The following TSPAN11 variants were observed in gnomAD, a reference collection of about 807,000 sequenced individuals.
The protein encoded by TSPAN11 is tetraspanin 11.
Under a neutral mutation model 32.9 loss-of-function variants are expected in TSPAN11, and 29 were observed. The observed-to-expected ratio is 0.88, with a 90% confidence interval of 0.66 to 1.20. The LOEUF is 1.20. Ranked by LOEUF, TSPAN11 falls within the 50% of genes most tolerant of loss-of-function variation. The probability of loss-of-function intolerance (pLI) is 0.00; values close to 1 mark genes in which losing one functional copy is unlikely to be tolerated. For missense variants in TSPAN11, 283 were observed against 329.1 expected, an observed-to-expected ratio of 0.86 and a Z score of 1.08; for synonymous variants, 140 against 141.3, an observed-to-expected ratio of 0.99 and a Z score of 0.07.
chr12:30,930,929 C>T (rs11611739), intron 1 of TSPAN11, among the ~76,000 whole-genome samples: 17,669 of 152,236 alleles, frequency 0.12, 1,053 homozygotes, highest in East Asian at 0.15. Context: ...TCTCTCACTG[C>T]CCTGCACACA....
intron 2 of TSPAN11, 100 bp from the exon 3 acceptor site, chr12:30,963,726 G>A (rs1938661651): frequency 1.5e-6 from 2 of 1,301,230 alleles, no homozygotes; most frequent in Admixed American, 2.2e-5. Context: ...GACTGAATGA[G>A]CCAGTGCAAG....
intron 3 of TSPAN11, among the ~76,000 whole-genome samples, chr12:30,976,401 A>G (rs1322006037): frequency 6.6e-6 from 1 of 152,148 alleles, no homozygotes; most frequent in Non-Finnish European, 1.5e-5. Flanking sequence ...GCAGCCATCC[A>G]GCTAGAGCCA....
intron 1 of TSPAN11, among the ~76,000 whole-genome samples, chr12:30,934,618 T>C (rs1005241782): frequency 9.3e-5 from 14 of 151,186 alleles, no homozygotes; most frequent in Non-Finnish European, 1.9e-4. Context: ...TTCGGAAACT[T>C]AAAATATTAT....
intron 3 of TSPAN11, among the ~76,000 whole-genome samples, chr12:30,970,180 G>A (rs886497457): frequency 5.9e-5 from 9 of 152,182 alleles, no homozygotes; most frequent in African/African-American, 1.7e-4. Flanking sequence ...GCCAGAATCC[G>A]CTGAACACCA....
chr12:30,929,980 G>A (rs1249270864), intron 1 of TSPAN11, among the ~76,000 whole-genome samples: 1 of 152,220 alleles, frequency 6.6e-6, no homozygotes, highest in Non-Finnish European at 1.5e-5. Flanking sequence ...GATAGAGGAG[G>A]TGGTGGTGTT....
chr12:31,014,798 A>G, the TSPAN11 span, among the ~76,000 whole-genome samples: 1 of 152,184 alleles, frequency 6.6e-6, no homozygotes, highest in African/African-American at 2.4e-5. Flanking sequence ...CAAACTTTGG[A>G]GTCATGTAGT....
chr12:31,003,188 C>T, the TSPAN11 span, among the ~76,000 whole-genome samples: 1 of 152,178 alleles, frequency 6.6e-6, no homozygotes, highest in Non-Finnish European at 1.5e-5. Context: ...GAATTCTGCC[C>T]CAATGAGATC....
At position 30,979,686 on chromosome 12, in the gene TSPAN11, T is replaced by C. The variant is rs781379523; in HGVS notation, c.456+16T>C. The C allele has an allele frequency of 3.7e-6, 6 of 1,613,530 alleles. No homozygotes were observed. The highest frequency in any genetic ancestry group is 1.7e-5 in the Admixed American group (1 of 60,028). On this transcript the variant is annotated intron_variant, in intron 5 of 7. Coordinates refer to ENST00000546076, the MANE Select transcript of TSPAN11 (RefSeq NM_001370302.1). The stretch of plus-strand genomic sequence containing the variant: ...CCAGCAGGATGTAAGCCATGCCCCA[T>C]ATGGCCTTGAAGGCCAAGCCCACAA...
At chr12:30,949,318 A>G (rs936701649) in intron 1 of TSPAN11, among the ~76,000 whole-genome samples, 1 of 152,128 alleles carries the variant, frequency 6.6e-6, no homozygotes, top group Non-Finnish European at 1.5e-5. Context: ...AATTTACTAT[A>G]TTAGTCCATT....
chr12:30,982,600 C>G lies in TSPAN11; in HGVS notation c.525C>G (p.Ala175=), dbSNP rs750889888. 1 of 1,612,886 alleles carries G rather than the reference C, an allele frequency of 6.2e-7. No individual in the cohort carries two copies. Among genetic ancestry groups the G allele is most frequent in the Middle Eastern group, 1.7e-4 (1 of 6,020 alleles). The change falls in exon 6 of 8, where the codon GCC becomes GCG. Residue 175 remains alanine, a synonymous_variant. Coordinates refer to ENST00000546076, the MANE Select transcript of TSPAN11 (RefSeq NM_001370302.1). The part of the protein sequence containing the change: ...QHSTYILLRE[A]EGRQVPDSCC... ...GCACGTACATCCTGTTGCGGGAGGC[C>G]GAGGGCCGCCAGGTGCCCGACAGCT...
intron 1 of TSPAN11, among the ~76,000 whole-genome samples, chr12:30,942,509 G>A (rs1193831150): frequency 6.6e-6 from 1 of 152,090 alleles, no homozygotes; most frequent in Non-Finnish European, 1.5e-5. Flanking sequence ...TCAGACTGCA[G>A]CTTTTAAAAA....
intron 1 of TSPAN11, among the ~76,000 whole-genome samples, chr12:30,948,161 C>A (rs545001101): frequency 6.6e-6 from 1 of 152,226 alleles, no homozygotes; most frequent in Non-Finnish European, 1.5e-5. Flanking sequence ...CAGCTCTGCT[C>A]CTATGGCTTT....
intron 7 of TSPAN11, among the ~76,000 whole-genome samples, chr12:30,988,204 A>AC (rs1939238041): frequency 6.6e-6 from 1 of 152,220 alleles, no homozygotes; most frequent in Non-Finnish European, 1.5e-5. Context: ...GTGCTGAGGT[A>AC]CCACCCGATC....
In TSPAN11 at chr12:30,995,240, T is replaced by G. The variant is rs1232424147; in HGVS notation, c.*3325T>G. The G allele has an allele frequency of 6.6e-6, 1 of 152,330 alleles. No homozygotes were observed. The highest frequency in any genetic ancestry group is 2.4e-5 in the African/African-American group (1 of 41,446). 9.4% of individuals were successfully genotyped at this position (152,330 alleles called of 1,614,324 possible). A position where few individuals can be genotyped will look rare whatever the true frequency, so the allele number is the denominator to read the frequency against. ...CCTTCATGCAGGGTGCAGAATCTCA[T>G]GTCCACATGGAGGTCACCCCTCAGG... On this transcript the variant is annotated 3_prime_UTR_variant, in exon 8 of 8. Transcript: ENST00000546076.
chr12:30,926,821 A>G, intron 1 of TSPAN11, 25 bp downstream of exon 1: 1 of 645,250 alleles, frequency 1.5e-6, no homozygotes, highest in South Asian at 1.9e-5. Context: ...GCGCCCGAGG[A>G]GTGGGGGCGC....
At chr12:30,958,130 GGTGATCTCAT>G (rs1938537071) in intron 2 of TSPAN11, among the ~76,000 whole-genome samples, 1 of 152,000 alleles carries the variant, frequency 6.6e-6, no homozygotes, top group Non-Finnish European at 1.5e-5. Flanking sequence ...AAGATGAACA[GGTGATCTCAT>G]GTTCCCTCCC....
the TSPAN11 span, among the ~76,000 whole-genome samples, chr12:31,012,094 CG>C: frequency 6.6e-6 from 1 of 152,246 alleles, no homozygotes; most frequent in Non-Finnish European, 1.5e-5. Context: ...CCGAAGCTGG[CG>C]GGACAGACAG....
chr12:30,973,434 C>T (rs897249581), intron 3 of TSPAN11, among the ~76,000 whole-genome samples: 4 of 152,296 alleles, frequency 2.6e-5, no homozygotes, highest in African/African-American at 7.2e-5. Context: ...TGCTCCAGGG[C>T]TGTGCAGATG....
rs145042076 is a variant in TSPAN11, at chr12:30,964,785, A to G, written c.276+768A>G. Among the ~76,000 whole-genome samples the G allele has an allele frequency of 9.3e-3, 1,414 of 152,370 alleles. 75 individuals carry two copies. Among genetic ancestry groups the G allele is most frequent in the Admixed American group, 0.084 (1,280 of 15,308 alleles). On this transcript the variant is annotated intron_variant, in intron 3 of 7. Coordinates refer to ENST00000546076, the MANE Select transcript of TSPAN11 (RefSeq NM_001370302.1). The stretch of plus-strand genomic sequence containing the variant: ...TCATGAAATAACCAAGCAGTTTCAC[A>G]TCTTCCCAGTTGACCCATAAACTGT...
Sources: allele counts gnomAD v4.1 joint callset (sites outside exome capture counted in the v4.1 genomes callset), GRCh38; gene constraint gnomAD v4.1.1; transcripts MANE v1.5; gene names NCBI Gene and HGNC (gene_info 2026-07-23, HGNC 2026-07-21).